IPO11: variants seen among roughly 807,000 people sequenced by gnomAD.
IPO11 encodes importin-11.
Under a neutral mutation model 143.2 loss-of-function variants are expected in IPO11, and 66 were observed. The ratio of observed to expected loss-of-function variants is 0.46; its 90% CI spans 0.38 to 0.57. The LOEUF is 0.57. IPO11 is among the 20% of genes least tolerant of loss of function. IPO11 has a pLI of 0.00. For synonymous variants in IPO11, 385 were observed against 377.8 expected, an observed-to-expected ratio of 1.02 and a Z score of -0.22; for missense variants, 1,026 against 1,141.0, an observed-to-expected ratio of 0.90 and a Z score of 1.45.
chr5:62,428,382 C>T (rs557443839), intron 1 of IPO11, among the ~76,000 whole-genome samples: 1 of 151,980 alleles, frequency 6.6e-6, no homozygotes, highest in Admixed American at 6.6e-5. Flanking sequence ...CTCACTGTGT[C>T]GCCCAGGCTG....
intron 26 of IPO11, among the ~76,000 whole-genome samples, chr5:62,556,342 TAAAA>T (rs1370040867): frequency 6.6e-6 from 1 of 152,076 alleles, no homozygotes; most frequent in East Asian, 1.9e-4. Flanking sequence ...AGTAAATAAA[TAAAA>T]ATAAATAAAA....
At chr5:62,462,332 A>G (rs548980518) in intron 5 of IPO11, among the ~76,000 whole-genome samples, 3 of 152,146 alleles carry the variant, frequency 2.0e-5, no homozygotes, top group African/African-American at 4.8e-5. Flanking sequence ...CCTTTGGTAT[A>G]GTATTCAGAG....
intron 22 of IPO11, among the ~76,000 whole-genome samples, chr5:62,532,587 G>A (rs1742588439): frequency 1.3e-5 from 2 of 152,024 alleles, no homozygotes; most frequent in African/African-American, 4.8e-5. Flanking sequence ...CAAACTCCTG[G>A]CCTAATGTGA....
intron 26 of IPO11, among the ~76,000 whole-genome samples, chr5:62,555,604 C>T (rs1375573036): frequency 6.6e-6 from 1 of 151,776 alleles, no homozygotes; most frequent in Non-Finnish European, 1.5e-5. Flanking sequence ...CCCGGGTTCA[C>T]ATCGTTCTCC....
chr5:62,616,748 A>C (rs1331422659), intron 29 of IPO11, among the ~76,000 whole-genome samples: 2 of 148,670 alleles, frequency 1.3e-5, no homozygotes, highest in Non-Finnish European at 1.5e-5. Flanking sequence ...AAAAAAAATC[A>C]GTGAGAGAAC....
intron 29 of IPO11, among the ~76,000 whole-genome samples, chr5:62,616,058 G>A (rs1258302643): frequency 1.4e-5 from 2 of 139,060 alleles, no homozygotes; most frequent in Non-Finnish European, 3.2e-5. Context: ...TGGAGGGGGA[G>A]GTGGGGGAGG....
At chr5:62,523,532 G>GA (rs3836812) in intron 20 of IPO11, among the ~76,000 whole-genome samples, 70,951 of 151,846 alleles carry the variant, frequency 0.47, 16,767 homozygotes, top group South Asian at 0.53. Flanking sequence ...CTGTTAATCA[G>GA]AAAAAAGATG....
chr5:62,468,683 T>C (rs1028850175), intron 6 of IPO11, among the ~76,000 whole-genome samples: 4 of 152,216 alleles, frequency 2.6e-5, no homozygotes, highest in African/African-American at 9.6e-5. Context: ...TCTTACCTTA[T>C]TGATTTCAAA....
At chr5:62,443,785 C>T (rs1236859292) in intron 3 of IPO11, among the ~76,000 whole-genome samples, 5 of 152,022 alleles carry the variant, frequency 3.3e-5, no homozygotes, top group Admixed American at 6.6e-5. Context: ...CTGCTATGTA[C>T]GTGGTTAACA....
intron 1 of IPO11, among the ~76,000 whole-genome samples, chr5:62,424,061 C>G (rs1169771727): frequency 6.6e-6 from 1 of 151,688 alleles, no homozygotes; most frequent in Non-Finnish European, 1.5e-5. Flanking sequence ...CTCTGTTGCC[C>G]AGACTGGAGT....
intron 29 of IPO11, among the ~76,000 whole-genome samples, chr5:62,618,097 C>G: frequency 6.6e-6 from 1 of 152,026 alleles, no homozygotes; most frequent in Non-Finnish European, 1.5e-5. Context: ...TGAGCATATT[C>G]TAGGCTAACA....
At position 62,582,375 on chromosome 5, in the gene IPO11, T is replaced by G. The variant is rs147599475; in HGVS notation, c.2583-9202T>G. ...TGGCAGGGGAGGGAGAAGTCAAAGA[T>G]GTTAGGTTTTTGGCTTAGGCAGTTT... is the stretch of plus-strand genomic sequence containing the variant. On this transcript the variant is annotated intron_variant, in intron 27 of 29. Transcript: ENST00000325324. Among the ~76,000 whole-genome samples, 128 of 152,204 alleles carry G rather than the reference T, an allele frequency of 8.4e-4. 3 individuals carry two copies. The highest frequency in any genetic ancestry group is 3.0e-3 in the African/African-American group (124 of 41,540).
intron 29 of IPO11, among the ~76,000 whole-genome samples, chr5:62,624,980 C>CAAAAAAAA (rs141431600): frequency 1.1e-5 from 1 of 89,714 alleles, no homozygotes; most frequent in Non-Finnish European, 2.2e-5. Flanking sequence ...GCGAGAGACT[C>CAAAAAAAA]AAAAAAAAAA....
chr5:62,581,408 TTA>T, intron 27 of IPO11: 1 of 880,888 alleles, frequency 1.1e-6, no homozygotes. Flanking sequence ...ATATAATGAA[TTA>T]TATGAGGTTA....
chr5:62,591,883 C>T (rs1326179428), intron 28 of IPO11, among the ~76,000 whole-genome samples: 1 of 152,130 alleles, frequency 6.6e-6, no homozygotes, highest in Non-Finnish European at 1.5e-5. Context: ...GAGTTTCACT[C>T]TTGTGGTCCA....
intron 27 of IPO11, among the ~76,000 whole-genome samples, chr5:62,586,768 A>AATATATATATATAT (rs56808416): frequency 2.1e-4 from 6 of 28,906 alleles, no homozygotes; most frequent in African/African-American, 4.0e-4. Flanking sequence ...AAAAAAAAAA[A>AATATATATATATAT]ATATATATAT....
chr5:62,459,496 A>T (rs951213548), intron 5 of IPO11, among the ~76,000 whole-genome samples: 2 of 151,898 alleles, frequency 1.3e-5, no homozygotes, highest in Non-Finnish European at 2.9e-5. Context: ...GGCTTGATAC[A>T]TTTTGGTAAT....
At chr5:62,523,501 A>G (rs934925171) in intron 20 of IPO11, among the ~76,000 whole-genome samples, 1 of 150,502 alleles carries the variant, frequency 6.6e-6, no homozygotes, top group African/African-American at 2.4e-5. Flanking sequence ...GGGTAAAACT[A>G]AGGTCAAATA....
intron 27 of IPO11, among the ~76,000 whole-genome samples, chr5:62,569,024 A>C (rs945459407): frequency 6.6e-6 from 1 of 152,056 alleles, no homozygotes; most frequent in African/African-American, 2.4e-5. Context: ...GAGAATTCCT[A>C]GGGTTCCCAG....
Sources: allele counts gnomAD v4.1 joint callset (sites outside exome capture counted in the v4.1 genomes callset), GRCh38; gene constraint gnomAD v4.1.1; transcripts MANE v1.5; gene names NCBI Gene and HGNC (gene_info 2026-07-23, HGNC 2026-07-21).